The following IL22RA2 variants were observed in gnomAD, a reference collection of about 807,000 sequenced individuals.
The protein encoded by IL22RA2 is interleukin-22 receptor subunit alpha-2.
IL22RA2 carries 39 observed loss-of-function variants against 30.7 expected under a neutral mutation model. The observed-to-expected ratio is 1.27, with a 90% CI of 0.98 to 1.66. The LOEUF is 1.66. Among genes scored for constraint, IL22RA2 ranks in the 40% most tolerant of loss-of-function variants. The pLI is 0.00. For missense variants in IL22RA2, 315 were observed against 312.7 expected, an observed-to-expected ratio of 1.01 and a Z score of -0.05; for synonymous variants, 103 against 105.0, an observed-to-expected ratio of 0.98 and a Z score of 0.11.
At chr6:137,148,221 TTTTG>T (rs1387690536) in intron 5 of IL22RA2, among the ~76,000 whole-genome samples, 16 of 149,830 alleles carry the variant, frequency 1.1e-4, no homozygotes, top group East Asian at 1.9e-4. Context: ...TTAATCTGAC[TTTTG>T]TTTGTTTGTT....
In IL22RA2 at chr6:137,155,660, G is replaced by T. The variant is rs144733902; in HGVS notation, c.294-541C>A. On this transcript the variant is annotated intron_variant, in intron 4 of 6. Coordinates refer to ENST00000296980, the MANE Select transcript of IL22RA2 (RefSeq NM_052962.3). ...CTCATGACCCAATCATCTCCCCAAA[G>T]TCCCACCTCTCAACATTGCTGCACT... Among the ~76,000 whole-genome samples the T allele has an allele frequency of 4.6e-4, 70 of 152,116 alleles. 1 individual carries two copies. Among genetic ancestry groups the T allele is most frequent in the Non-Finnish European group, 9.6e-4 (65 of 67,986 alleles).
intron 5 of IL22RA2, among the ~76,000 whole-genome samples, chr6:137,149,362 A>G (rs1328674406): frequency 6.6e-6 from 1 of 152,110 alleles, no homozygotes; most frequent in Non-Finnish European, 1.5e-5. Flanking sequence ...TTCAAAACCA[A>G]ACTCATAATC....
chr6:137,153,129 T>G (rs1778324739), intron 5 of IL22RA2, among the ~76,000 whole-genome samples: 1 of 152,170 alleles, frequency 6.6e-6, no homozygotes, highest in Non-Finnish European at 1.5e-5. Flanking sequence ...TAACCACTCC[T>G]GGGACCACAC....
intron 6 of IL22RA2, among the ~76,000 whole-genome samples, chr6:137,146,039 G>A (rs564017925): frequency 1.5e-4 from 23 of 152,180 alleles, no homozygotes; most frequent in African/African-American, 5.5e-4. Context: ...TAAGAATTTT[G>A]TTTGTTTTTT....
At chr6:137,165,668 A>G (rs1352658900) in intron 1 of IL22RA2, among the ~76,000 whole-genome samples, 1 of 152,188 alleles carries the variant, frequency 6.6e-6, no homozygotes, top group Non-Finnish European at 1.5e-5. Flanking sequence ...ATGGGACACT[A>G]GAAGAATGAA....
chr6:137,158,536 C>T, intron 2 of IL22RA2, 54 bp from the exon 3 acceptor site: 1 of 1,584,404 alleles, frequency 6.3e-7, no homozygotes, highest in Non-Finnish European at 8.6e-7. Flanking sequence ...CACTGCTGTT[C>T]CCAGCAGTAG....
At position 137,173,558 on chromosome 6, in the gene IL22RA2, C is replaced by T. The variant is rs796343992; in HGVS notation, c.-211G>A. 9.9e-5 allele frequency: 15 copies of T among 152,162 alleles called. No individual in the cohort carries two copies. The highest frequency in any genetic ancestry group is 3.6e-4 in the African/African-American group (15 of 41,506). 9.4% of individuals were successfully genotyped at this position (152,162 alleles called of 1,614,324 possible). On this transcript the variant is annotated 5_prime_UTR_variant, in exon 1 of 7. The change abolishes an upstream ATG in the 5' untranslated region. Coordinates refer to ENST00000296980, the MANE Select transcript of IL22RA2 (RefSeq NM_052962.3). Reference sequence around the variant, plus strand: ...AGTCTAGGAGATTGGTATTATTATTCATTTGATGTTACAGATGAAGAAACT... The same window carrying T: ...AGTCTAGGAGATTGGTATTATTATTTATTTGATGTTACAGATGAAGAAACT...
At chr6:137,170,730 C>T (rs1778717146) in intron 1 of IL22RA2, among the ~76,000 whole-genome samples, 3 of 151,948 alleles carry the variant, frequency 2.0e-5, no homozygotes, top group Admixed American at 2.0e-4. Context: ...GCAACAGACC[C>T]AGGGCTTACA....
At chr6:137,162,379 C>T (rs557914996) in intron 1 of IL22RA2, among the ~76,000 whole-genome samples, 1 of 152,176 alleles carries the variant, frequency 6.6e-6, no homozygotes, top group African/African-American at 2.4e-5. Context: ...TACTCTTCAG[C>T]CTTTCCCACT....
At chr6:137,161,618 AT>A (rs1333933584) in intron 2 of IL22RA2, 70 bp downstream of exon 2, 1 of 1,326,306 alleles carries the variant, frequency 7.5e-7, no homozygotes, top group Non-Finnish European at 1.1e-6. Flanking sequence ...CACCAGTGCC[AT>A]TTCCAACAGA....
intron 2 of IL22RA2, among the ~76,000 whole-genome samples, chr6:137,159,574 C>T (rs534900272): frequency 9.9e-5 from 15 of 152,246 alleles, no homozygotes; most frequent in African/African-American, 2.2e-4. Context: ...CCGCCCACCT[C>T]GGCCTCCCAA....
intron 1 of IL22RA2, among the ~76,000 whole-genome samples, chr6:137,162,263 T>C (rs1223986768): frequency 6.6e-6 from 1 of 152,194 alleles, no homozygotes; most frequent in African/African-American, 2.4e-5. Flanking sequence ...GAGGGGTCTA[T>C]CGTTGATTCA....
chr6:137,168,697 G>A lies in IL22RA2; in HGVS notation c.-66+4716C>T, dbSNP rs555789020. ...AAGATAGGGTACACAACTGGAACAT[G>A]CTACCCACTCAATCTGACAATACTA... On this transcript the variant is annotated intron_variant, in intron 1 of 6. Transcript: ENST00000296980. Among the ~76,000 whole-genome samples, 3 of 152,260 alleles carry A rather than the reference G, an allele frequency of 2.0e-5. No individual in the cohort carries two copies. The East Asian group carries it at 5.8e-4, about 29-fold the overall frequency.
At chr6:137,166,295 G>A (rs1778623579) in intron 1 of IL22RA2, among the ~76,000 whole-genome samples, 1 of 152,102 alleles carries the variant, frequency 6.6e-6, no homozygotes, top group Admixed American at 6.6e-5. Flanking sequence ...AAAGAAAGTC[G>A]GTAAACATCT....
chr6:137,152,509 T>C (rs1445511361), intron 5 of IL22RA2, among the ~76,000 whole-genome samples: 1 of 152,138 alleles, frequency 6.6e-6, no homozygotes. Flanking sequence ...GGGAACTCTA[T>C]AGAGACAGAA....
intron 1 of IL22RA2, among the ~76,000 whole-genome samples, chr6:137,172,869 T>G (rs573488416): frequency 1.3e-5 from 2 of 152,334 alleles, no homozygotes; most frequent in Non-Finnish European, 2.9e-5. Flanking sequence ...GGTTATTATT[T>G]TTATTTTTTT....
At position 137,154,038 on chromosome 6, in the gene IL22RA2, TTC is replaced by T. The variant is rs201919164; in HGVS notation, c.472+901_472+902del. On this transcript the variant is annotated intron_variant, in intron 5 of 6. Transcript: ENST00000296980. ...TCTTTATATCTATACATTAAACCCC[TTC>T]TCTCTCTCTCTCTACTATTTTATCC... Among the ~76,000 whole-genome samples, 214 of 151,480 alleles carry T rather than the reference TTC, an allele frequency of 1.4e-3. 1 individual carries two copies. The highest frequency in any genetic ancestry group is 4.8e-3 in the African/African-American group (199 of 41,374).
intron 5 of IL22RA2, 53 bp downstream of exon 5, chr6:137,154,888 A>G: frequency 6.6e-7 from 1 of 1,509,914 alleles, no homozygotes; most frequent in East Asian, 2.3e-5. Context: ...GTGCTCCGGG[A>G]GGGCTGTCCA....
At chr6:137,163,765 GC>G (rs1348523436) in intron 1 of IL22RA2, among the ~76,000 whole-genome samples, 1 of 152,178 alleles carries the variant, frequency 6.6e-6, no homozygotes, top group Non-Finnish European at 1.5e-5. Context: ...CGTAAGTGGG[GC>G]TCATGAGTCG....
Sources: gnomAD v4.1 joint callset for allele counts (sites outside exome capture counted in the v4.1 genomes callset) on GRCh38, gnomAD v4.1.1 for gene constraint, MANE v1.5 for transcripts, NCBI Gene and HGNC (gene_info 2026-07-23, HGNC 2026-07-21) for gene names.